The following ARID5B variants were observed in gnomAD, a reference collection of about 807,000 sequenced individuals.
ARID5B encodes the protein AT-rich interaction domain 5B, also known as AT-rich interactive domain-containing protein 5B.
ARID5B carries 13 observed loss-of-function variants against 97.2 expected under a neutral mutation model. The observed-to-expected ratio is 0.13, with a 90% confidence interval of 0.09 to 0.21. The LOEUF is 0.21. ARID5B is among the 10% of genes least tolerant of loss of function. The probability of loss-of-function intolerance (pLI) is 1.00; values close to 1 mark genes in which losing one functional copy is unlikely to be tolerated. For missense variants in ARID5B, 1,210 were observed against 1,465.3 expected, an observed-to-expected ratio of 0.83 and a Z score of 2.84; for synonymous variants, 556 against 570.3, an observed-to-expected ratio of 0.97 and a Z score of 0.36.
At chr10:62,030,931 A>G (rs1223936011) in intron 4 of ARID5B, among the ~76,000 whole-genome samples, 1 of 152,178 alleles carries the variant, frequency 6.6e-6, no homozygotes, top group Non-Finnish European at 1.5e-5. Flanking sequence ...AGGGCTATGC[A>G]TCTTTAAGAG....
chr10:61,904,356 G>A (rs1290033194), intron 2 of ARID5B, among the ~76,000 whole-genome samples: 1 of 152,050 alleles, frequency 6.6e-6, no homozygotes, highest in Non-Finnish European at 1.5e-5. Context: ...ATTTTTGTTG[G>A]TGTAATTAAA....
chr10:62,049,434 C>T (rs772082338), intron 4 of ARID5B: 2 of 1,550,432 alleles, frequency 1.3e-6, no homozygotes, highest in Middle Eastern at 1.7e-4. Context: ...CATGCTGTAG[C>T]TTTCATGAGC....
intron 4 of ARID5B, among the ~76,000 whole-genome samples, chr10:62,023,106 T>A (rs1839376941): frequency 6.6e-6 from 1 of 152,216 alleles, no homozygotes; most frequent in South Asian, 2.1e-4. Flanking sequence ...TGGCAGATGA[T>A]CAGTCATTCA....
At chr10:61,979,070 C>T (rs1036294812) in intron 3 of ARID5B, among the ~76,000 whole-genome samples, 12 of 152,166 alleles carry the variant, frequency 7.9e-5, no homozygotes, top group Non-Finnish European at 1.0e-4. Flanking sequence ...GTGTGAGATG[C>T]AGCCAGCCAC....
chr10:62,070,316 G>A (rs1206726691), intron 8 of ARID5B, among the ~76,000 whole-genome samples: 1 of 152,124 alleles, frequency 6.6e-6, no homozygotes, highest in Admixed American at 6.5e-5. Flanking sequence ...AACAATTTCA[G>A]CCTATTTCAG....
chr10:62,096,276 T>C lies in ARID5B; in HGVS notation c.*3246T>C, dbSNP rs1411796371. 1 of 233,620 alleles carries C rather than the reference T, an allele frequency of 4.3e-6. No individual in the cohort carries two copies. The highest frequency in any genetic ancestry group is 8.5e-6 in the Non-Finnish European group (1 of 118,062). 14.5% of individuals were successfully genotyped at this position (233,620 alleles called of 1,614,324 possible). A position where few individuals can be genotyped will look rare whatever the true frequency, so the allele number is the denominator to read the frequency against. On this transcript the variant is annotated 3_prime_UTR_variant, in exon 10 of 10. Transcript: ENST00000279873. ...TATTTCACTGTGTTGGTGTGTCTGA[T>C]GGAAATTTCGAGGTGGTCCCACAAA... is the stretch of plus-strand genomic sequence containing the variant.
At chr10:61,906,530 G>A (rs539592387) in intron 2 of ARID5B, among the ~76,000 whole-genome samples, 27 of 152,272 alleles carry the variant, frequency 1.8e-4, no homozygotes, top group Admixed American at 1.6e-3. Context: ...ACCAGCCATC[G>A]CTGGGATTTT....
chr10:61,952,451 TTTATC>T (rs1334106271), intron 3 of ARID5B, among the ~76,000 whole-genome samples: 2 of 152,204 alleles, frequency 1.3e-5, no homozygotes, highest in Non-Finnish European at 2.9e-5. Context: ...TTTTCATGTG[TTTATC>T]TTATCTTCCC....
chr10:61,977,558 T>G (rs550775650), intron 3 of ARID5B, among the ~76,000 whole-genome samples: 52 of 152,372 alleles, frequency 3.4e-4, no homozygotes, highest in African/African-American at 1.2e-3. Context: ...TTCTAACTGG[T>G]GTGAGATGGT....
At chr10:61,989,504 C>T (rs1311410906) in intron 3 of ARID5B, among the ~76,000 whole-genome samples, 1 of 151,972 alleles carries the variant, frequency 6.6e-6, no homozygotes, top group Non-Finnish European at 1.5e-5. Context: ...AAATGTTAAA[C>T]ATGATAGGAA....
intron 3 of ARID5B, among the ~76,000 whole-genome samples, chr10:61,961,317 A>G (rs1160843880): frequency 6.6e-6 from 1 of 152,232 alleles, no homozygotes; most frequent in Non-Finnish European, 1.5e-5. Flanking sequence ...ATGTTTATCC[A>G]TGTACCACCT....
At chr10:62,045,519 T>C (rs1839696130) in intron 4 of ARID5B, among the ~76,000 whole-genome samples, 1 of 151,230 alleles carries the variant, frequency 6.6e-6, no homozygotes. Context: ...GGTGCGATCT[T>C]GGCTCACCAC....
chr10:61,968,195 C>T (rs1005909199), intron 3 of ARID5B, among the ~76,000 whole-genome samples: 2 of 145,670 alleles, frequency 1.4e-5, no homozygotes, highest in African/African-American at 2.7e-5. Flanking sequence ...TATACACACA[C>T]ACACACACAC....
chr10:62,002,181 G>T (rs917081737), intron 4 of ARID5B, among the ~76,000 whole-genome samples: 1 of 152,198 alleles, frequency 6.6e-6, no homozygotes, highest in Non-Finnish European at 1.5e-5. Flanking sequence ...ATTAGTCATT[G>T]AGTTTCAAAG....
chr10:62,058,178 A>G (rs1229064830), intron 6 of ARID5B, among the ~76,000 whole-genome samples: 2 of 152,222 alleles, frequency 1.3e-5, no homozygotes, highest in Non-Finnish European at 1.5e-5. Flanking sequence ...ATAAACTTAT[A>G]TAACTACGAA....
intron 4 of ARID5B, among the ~76,000 whole-genome samples, chr10:62,041,532 T>C (rs1839637677): frequency 1.3e-5 from 2 of 152,260 alleles, no homozygotes; most frequent in African/African-American, 2.4e-5. Context: ...TTTTTGGATC[T>C]TTTTAAAAGA....
intron 8 of ARID5B, among the ~76,000 whole-genome samples, chr10:62,072,027 G>A (rs373317051): frequency 1.9e-4 from 29 of 152,128 alleles, no homozygotes; most frequent in East Asian, 1.2e-3. Flanking sequence ...GTTAACACGG[G>A]GGCAACAACT....
intron 3 of ARID5B, among the ~76,000 whole-genome samples, chr10:61,997,591 A>G (rs1839018900): frequency 6.6e-6 from 1 of 152,228 alleles, no homozygotes; most frequent in South Asian, 2.1e-4. Context: ...AGCTAATTGC[A>G]CAACCAAGAT....
chr10:62,092,547 C>T lies in ARID5B; in HGVS notation c.3084C>T (p.Ala1028=), dbSNP rs935409875. 11 of 1,614,178 alleles carry T rather than the reference C, an allele frequency of 6.8e-6. No homozygotes were observed. Among genetic ancestry groups the T allele is most frequent in the Middle Eastern group, 3.3e-4 (2 of 6,062 alleles). ...ACCTTGTGATTGCAGGGAAAAAGGCCCGGGCAGTGTCTCCCTTAGACCCAT... is the reference window on the plus strand; with the variant it reads ...ACCTTGTGATTGCAGGGAAAAAGGCTCGGGCAGTGTCTCCCTTAGACCCAT... ...DLDLVIAGKK[A]RAVSPLDPSK... The change falls in exon 10 of 10, where the codon GCC becomes GCT. Residue 1028 remains alanine, a synonymous_variant. Coordinates refer to ENST00000279873, the MANE Select transcript of ARID5B (RefSeq NM_032199.3).
Sources: gnomAD v4.1 joint callset for allele counts (sites outside exome capture counted in the v4.1 genomes callset) on GRCh38, gnomAD v4.1.1 for gene constraint, MANE v1.5 for transcripts, NCBI Gene and HGNC (gene_info 2026-07-23, HGNC 2026-07-21) for gene names.